Variants in SCAI observed in about 807,000 individuals in gnomAD.
SCAI encodes suppressor of cancer cell invasion, also known as protein SCAI.
In SCAI, 24 loss-of-function variants were observed where a neutral mutation model predicts 92.2. That is an observed-to-expected ratio of 0.26 (90% confidence interval 0.19 to 0.37). The LOEUF (loss-of-function observed/expected upper bound fraction) is 0.37, where lower values mean the gene tolerates loss of function less well. Among genes scored for constraint, SCAI ranks in the 10% least tolerant of loss-of-function variants. The pLI, the probability that SCAI is intolerant of heterozygous loss-of-function variation, is 1.00. For missense variants in SCAI, 450 were observed against 736.2 expected (o/e 0.61, Z 4.50); for synonymous variants, 261 against 258.6 (o/e 1.01, Z -0.09).
intron 3 of SCAI, among the ~76,000 whole-genome samples, chr9:125,036,339 GAA>G (rs1244761248): frequency 6.6e-6 from 1 of 152,166 alleles, no homozygotes; most frequent in African/African-American, 2.4e-5. Flanking sequence ...ATGGGGCAGG[GAA>G]AAGAGTAGCT....
intron 2 of SCAI, among the ~76,000 whole-genome samples, chr9:125,120,041 C>G (rs1835127594): frequency 6.6e-6 from 1 of 152,170 alleles, no homozygotes; most frequent in African/African-American, 2.4e-5. Context: ...GAGCCATGCT[C>G]TACTGGTAAA....
At chr9:125,031,484 C>T (rs1282879969) in intron 3 of SCAI, among the ~76,000 whole-genome samples, 1 of 151,136 alleles carries the variant, frequency 6.6e-6, no homozygotes, top group East Asian at 1.9e-4. Context: ...CTCCTGATCT[C>T]CTGATCCACC....
intron 14 of SCAI, among the ~76,000 whole-genome samples, chr9:124,978,862 CTTTT>C (rs923116052): frequency 2.6e-5 from 4 of 151,754 alleles, no homozygotes; most frequent in Non-Finnish European, 5.9e-5. Context: ...GTCACCAATA[CTTTT>C]TTTCTTTTTT....
intron 10 of SCAI, 93 bp from the exon 11 acceptor site, chr9:125,003,308 CTTA>C (rs1185767190): frequency 9.2e-6 from 10 of 1,086,108 alleles, no homozygotes; most frequent in Non-Finnish European, 1.4e-5. Flanking sequence ...TCAAGGAAGT[CTTA>C]TTTTCACACT....
At chr9:125,071,756 C>T (rs1588197463) in intron 2 of SCAI, among the ~76,000 whole-genome samples, 1 of 152,106 alleles carries the variant, frequency 6.6e-6, no homozygotes, top group African/African-American at 2.4e-5. Context: ...AAAAAGAACA[C>T]ACAATTGCTT....
intron 14 of SCAI, among the ~76,000 whole-genome samples, chr9:124,977,534 TGTG>T (rs1157506804): frequency 6.6e-6 from 1 of 151,970 alleles, no homozygotes; most frequent in Non-Finnish European, 1.5e-5. Context: ...ATTAGCCAAA[TGTG>T]GTGGTACATG....
At chr9:125,142,571 C>T in intron 2 of SCAI, 62 bp downstream of exon 2, 5 of 1,220,436 alleles carry the variant, frequency 4.1e-6, no homozygotes, top group Middle Eastern at 1.9e-4. Flanking sequence ...TTATGCAGTA[C>T]GGCACAGGTG....
At chr9:125,075,803 T>C (rs1312433128) in intron 2 of SCAI, among the ~76,000 whole-genome samples, 1 of 151,972 alleles carries the variant, frequency 6.6e-6, no homozygotes. Flanking sequence ...GACCTCAAGT[T>C]TTCCAACCGC....
intron 2 of SCAI, among the ~76,000 whole-genome samples, chr9:125,136,254 G>C (rs969864550): frequency 6.7e-6 from 1 of 150,116 alleles, no homozygotes; most frequent in South Asian, 2.1e-4. Flanking sequence ...GGGACTACAG[G>C]TGTGTACCAC....
At chr9:125,065,887 C>A (rs569907324) in intron 2 of SCAI, 1 of 630,984 alleles carries the variant, frequency 1.6e-6, no homozygotes, top group Non-Finnish European at 2.8e-6. Flanking sequence ...AACATTGGCT[C>A]ACAATTAAGA....
At chr9:125,041,261 T>G (rs963478891) in intron 3 of SCAI, among the ~76,000 whole-genome samples, 1 of 152,202 alleles carries the variant, frequency 6.6e-6, no homozygotes, top group African/African-American at 2.4e-5. Context: ...TTTTCATCTT[T>G]TTTATGTCTC....
chr9:125,090,598 C>T (rs1011420747), intron 2 of SCAI, among the ~76,000 whole-genome samples: 29 of 152,262 alleles, frequency 1.9e-4, no homozygotes, highest in Non-Finnish European at 3.8e-4. Context: ...TGTCACTATC[C>T]TAATCTAAGT....
At chr9:125,029,096 C>A (rs1833020342) in intron 4 of SCAI, among the ~76,000 whole-genome samples, 1 of 151,944 alleles carries the variant, frequency 6.6e-6, no homozygotes, top group South Asian at 2.1e-4. Flanking sequence ...CTGCACCCAG[C>A]CTTATTTTAT....
chr9:125,045,200 C>A (rs1833410077), intron 3 of SCAI, among the ~76,000 whole-genome samples: 1 of 152,136 alleles, frequency 6.6e-6, no homozygotes, highest in Admixed American at 6.5e-5. Flanking sequence ...GATCCTGTGA[C>A]ATTTTTAGAC....
chr9:125,122,921 T>A (rs1213643574), intron 2 of SCAI, among the ~76,000 whole-genome samples: 1 of 152,126 alleles, frequency 6.6e-6, no homozygotes, highest in Non-Finnish European at 1.5e-5. Context: ...ATAAATAAAT[T>A]AGTAAAATTT....
chr9:125,143,375 G>GC lies in SCAI; in HGVS notation c.53+9dup. Reference sequence around the variant, plus strand: ...CATCCCCAACCCCGGCCTCCACCCAGCCCCCGCACCTGGGGGCCAGGCGAC... The same window carrying GC: ...CATCCCCAACCCCGGCCTCCACCCAGCCCCCCGCACCTGGGGGCCAGGCGAC... On this transcript the variant is annotated intron_variant, in intron 1 of 17. Coordinates refer to ENST00000336505, the MANE Select transcript of SCAI (RefSeq NM_001144877.3). 1 of 1,278,624 alleles carries GC rather than the reference G, an allele frequency of 7.8e-7. No homozygotes were observed. Among genetic ancestry groups the GC allele is most frequent in the Admixed American group, 3.4e-5 (1 of 29,172 alleles). The allele number at this position is 1,278,624 out of a possible 1,614,324, so 79.2% of individuals were successfully genotyped here. A position where few individuals can be genotyped will look rare whatever the true frequency, so the allele number is the denominator to read the frequency against.
chr9:125,126,392 G>GTGT (rs1564424362), intron 2 of SCAI, among the ~76,000 whole-genome samples: 165 of 115,110 alleles, frequency 1.4e-3, no homozygotes, highest in East Asian at 9.7e-3. Context: ...GTGAGTTGGG[G>GTGT]GTGTGTGTGT....
At chr9:125,059,631 A>T (rs945343531) in intron 2 of SCAI, among the ~76,000 whole-genome samples, 5 of 152,248 alleles carry the variant, frequency 3.3e-5, no homozygotes, top group Non-Finnish European at 7.3e-5. Context: ...GTTCAAACCC[A>T]TAAGTTTCCC....
intron 2 of SCAI, among the ~76,000 whole-genome samples, chr9:125,105,793 A>G (rs1834764214): frequency 6.6e-6 from 1 of 151,998 alleles, no homozygotes; most frequent in African/African-American, 2.4e-5. Flanking sequence ...GAGGATAAAC[A>G]CTTTCTAAGA....
Sources: allele counts gnomAD v4.1 joint callset (sites outside exome capture counted in the v4.1 genomes callset), GRCh38; gene constraint gnomAD v4.1.1; transcripts MANE v1.5; gene names NCBI Gene and HGNC (gene_info 2026-07-23, HGNC 2026-07-21).